MCTP1: variants seen among roughly 807,000 people sequenced by gnomAD.
MCTP1 encodes multiple C2 and transmembrane domain containing 1, also known as multiple C2 and transmembrane domain-containing protein 1.
Under a neutral mutation model 120.6 loss-of-function variants are expected in MCTP1, and 69 were observed. The observed-to-expected ratio is 0.57, with a 90% CI of 0.47 to 0.70. The LOEUF (loss-of-function observed/expected upper bound fraction) is 0.70, where lower values mean the gene tolerates loss of function less well. Among genes scored for constraint, MCTP1 ranks in the 30% least tolerant of loss-of-function variants. The pLI is 0.00. For missense variants in MCTP1, 1,203 were observed against 1,248.8 expected (o/e 0.96, Z 0.55); for synonymous variants, 529 against 493.1 (o/e 1.07, Z -0.96).
At chr5:94,904,906 C>A (rs1806413547) in intron 10 of MCTP1, among the ~76,000 whole-genome samples, 1 of 152,142 alleles carries the variant, frequency 6.6e-6, no homozygotes, top group Admixed American at 6.5e-5. Context: ...AATCCCTGCC[C>A]TCGTGGAGCT....
chr5:95,051,890 G>T (rs1746020326), intron 1 of MCTP1, among the ~76,000 whole-genome samples: 1 of 152,114 alleles, frequency 6.6e-6, no homozygotes, highest in East Asian at 1.9e-4. Context: ...ACTTAAGGTG[G>T]AGGGTGGAGG....
intron 2 of MCTP1, among the ~76,000 whole-genome samples, chr5:95,001,618 C>A (rs892222638): frequency 2.0e-5 from 3 of 152,158 alleles, no homozygotes; most frequent in Admixed American, 1.3e-4. Flanking sequence ...AAGAGACTGG[C>A]AGCATTTTGC....
rs533970652 is a variant in MCTP1, at chr5:94,819,258, G to A, written c.2437-20126C>T. Among the ~76,000 whole-genome samples the A allele has an allele frequency of 1.8e-4, 27 of 152,080 alleles. No individual in the cohort carries two copies. In the South Asian group the frequency reaches 5.4e-3, roughly 30 times the overall value. Reference sequence around the variant, plus strand: ...ATTCTTCTGCCTCGGCTCCCATGAGGAGCTAGGATTACAGGCGTGTGCCAC... The same window carrying A: ...ATTCTTCTGCCTCGGCTCCCATGAGAAGCTAGGATTACAGGCGTGTGCCAC... On this transcript the variant is annotated intron_variant, in intron 17 of 22. Coordinates refer to ENST00000515393, the MANE Select transcript of MCTP1 (RefSeq NM_024717.7).
chr5:94,926,292 T>G (rs1251045860), intron 6 of MCTP1, among the ~76,000 whole-genome samples: 3 of 152,066 alleles, frequency 2.0e-5, no homozygotes, highest in Non-Finnish European at 4.4e-5. Context: ...AATCTAAGAG[T>G]CAAGTCAGCT....
chr5:95,160,607 G>A (rs1473956867), intron 1 of MCTP1, among the ~76,000 whole-genome samples: 1 of 152,096 alleles, frequency 6.6e-6, no homozygotes, highest in African/African-American at 2.4e-5. Flanking sequence ...AAACAAATGG[G>A]ATTGCATTAA....
intron 16 of MCTP1, among the ~76,000 whole-genome samples, chr5:94,869,265 T>G (rs1797389986): frequency 6.6e-6 from 1 of 152,050 alleles, no homozygotes; most frequent in Non-Finnish European, 1.5e-5. Context: ...AACATTTTGC[T>G]ACTCCCAATA....
intron 1 of MCTP1, among the ~76,000 whole-genome samples, chr5:95,164,652 T>C (rs1021555818): frequency 2.0e-5 from 3 of 152,222 alleles, no homozygotes; most frequent in Non-Finnish European, 4.4e-5. Context: ...TGTATTCTTA[T>C]ACTAAATGTT....
intron 17 of MCTP1, among the ~76,000 whole-genome samples, chr5:94,816,260 A>C (rs1784454433): frequency 6.6e-6 from 1 of 152,180 alleles, no homozygotes; most frequent in Non-Finnish European, 1.5e-5. Flanking sequence ...AATTTATATC[A>C]TGTGTATATT....
At chr5:94,778,222 C>T (rs919867967) in intron 19 of MCTP1, among the ~76,000 whole-genome samples, 2 of 151,996 alleles carry the variant, frequency 1.3e-5, no homozygotes, top group Non-Finnish European at 2.9e-5. Context: ...CAATATAAGT[C>T]AGATTCTGGT....
intron 19 of MCTP1, among the ~76,000 whole-genome samples, chr5:94,716,272 G>A (rs1759285118): frequency 6.6e-6 from 1 of 152,106 alleles, no homozygotes; most frequent in Non-Finnish European, 1.5e-5. Context: ...GACGCATAAA[G>A]CTTAATAACA....
chr5:95,144,572 T>C (rs1051720279), intron 1 of MCTP1, among the ~76,000 whole-genome samples: 6 of 152,186 alleles, frequency 3.9e-5, no homozygotes, highest in African/African-American at 1.2e-4. Context: ...TTAGTTACTG[T>C]ATATGGTGGA....
At chr5:95,179,678 G>C (rs1031848287) in intron 1 of MCTP1, among the ~76,000 whole-genome samples, 2 of 152,146 alleles carry the variant, frequency 1.3e-5, no homozygotes, top group African/African-American at 4.8e-5. Context: ...GCTAAAAGGC[G>C]CTCTAAATCT....
At chr5:94,921,832 A>G (rs1287269053) in intron 7 of MCTP1, among the ~76,000 whole-genome samples, 2 of 152,272 alleles carry the variant, frequency 1.3e-5, no homozygotes, top group African/African-American at 2.4e-5. Flanking sequence ...AAATAATGCA[A>G]GAAGAATTTG....
intron 1 of MCTP1, among the ~76,000 whole-genome samples, chr5:95,245,712 C>T (rs1756690007): frequency 3.3e-5 from 5 of 151,994 alleles, no homozygotes; most frequent in Admixed American, 3.3e-4. Context: ...GATTGGTGTA[C>T]CGGAAAGTGA....
intron 5 of MCTP1, among the ~76,000 whole-genome samples, chr5:94,935,217 G>A (rs1420581460): frequency 1.3e-5 from 2 of 151,860 alleles, no homozygotes; most frequent in African/African-American, 2.4e-5. Flanking sequence ...TGGCACCTAT[G>A]AAATACAAAT....
intron 1 of MCTP1, among the ~76,000 whole-genome samples, chr5:95,268,990 A>G (rs1024683793): frequency 4.6e-5 from 7 of 152,310 alleles, no homozygotes; most frequent in Non-Finnish European, 1.0e-4. Flanking sequence ...TGAGTTTTGG[A>G]GCCAGTTCTG....
At chr5:95,083,727 C>T (rs1407560427) in intron 1 of MCTP1, among the ~76,000 whole-genome samples, 2 of 152,142 alleles carry the variant, frequency 1.3e-5, no homozygotes, top group Admixed American at 6.6e-5. Context: ...CCTGATAATA[C>T]TACTGTAATT....
chr5:94,802,189 G>GA (rs527463009), intron 17 of MCTP1, among the ~76,000 whole-genome samples: 240 of 152,084 alleles, frequency 1.6e-3, no homozygotes, highest in Admixed American at 2.8e-3. Context: ...TCCTACTATT[G>GA]AAAAAATATA....
chr5:94,894,208 A>G (rs1287266255), intron 11 of MCTP1, among the ~76,000 whole-genome samples: 4 of 152,256 alleles, frequency 2.6e-5, no homozygotes, highest in Admixed American at 2.6e-4. Context: ...AGCTGAAAAT[A>G]AAAATCATTC....
Sources: allele counts gnomAD v4.1 joint callset (sites outside exome capture counted in the v4.1 genomes callset), GRCh38; gene constraint gnomAD v4.1.1; transcripts MANE v1.5; gene names NCBI Gene and HGNC (gene_info 2026-07-23, HGNC 2026-07-21).